Variants in ARHGAP15 observed in about 807,000 individuals in gnomAD.
ARHGAP15 encodes the protein rho GTPase-activating protein 15.
A neutral mutation model predicts 63.7 loss-of-function variants in ARHGAP15; 51 were observed. That is an observed-to-expected ratio of 0.80 (90% CI 0.64 to 1.01). The LOEUF (loss-of-function observed/expected upper bound fraction) is 1.01. Among genes scored for constraint, ARHGAP15 ranks in the 50% least tolerant of loss-of-function variants. The pLI, the probability that ARHGAP15 is intolerant of heterozygous loss-of-function variation, is 0.00. For synonymous variants in ARHGAP15, 191 were observed against 193.8 expected, an observed-to-expected ratio of 0.99 and a Z score of 0.12; for missense variants, 560 against 564.6, an observed-to-expected ratio of 0.99 and a Z score of 0.08.
At chr2:143,747,003 C>CT (rs199782576) in intron 13 of ARHGAP15, among the ~76,000 whole-genome samples, 3 of 151,400 alleles carry the variant, frequency 2.0e-5, no homozygotes, top group South Asian at 2.1e-4. Context: ...CATCTTTTAA[C>CT]TTTTTTTTTG....
chr2:143,678,491 G>T (rs552526227), intron 12 of ARHGAP15, among the ~76,000 whole-genome samples: 1 of 152,286 alleles, frequency 6.6e-6, no homozygotes, highest in East Asian at 1.9e-4. Context: ...AACCAAGTTT[G>T]TTCCTTTCTT....
chr2:143,536,178 G>C (rs1293850234), intron 10 of ARHGAP15, among the ~76,000 whole-genome samples: 1 of 151,966 alleles, frequency 6.6e-6, no homozygotes, highest in Non-Finnish European at 1.5e-5. Flanking sequence ...TGTATCCTTT[G>C]ACCAACATTT....
intron 12 of ARHGAP15, among the ~76,000 whole-genome samples, chr2:143,685,897 A>G (rs1356997204): frequency 6.6e-6 from 1 of 152,180 alleles, no homozygotes; most frequent in Non-Finnish European, 1.5e-5. Context: ...CAAATGATAT[A>G]ATAAACAGTC....
intron 6 of ARHGAP15, among the ~76,000 whole-genome samples, chr2:143,358,821 A>G (rs1437877556): frequency 6.6e-6 from 1 of 151,950 alleles, no homozygotes; most frequent in Non-Finnish European, 1.5e-5. Context: ...TTCATCATCA[A>G]CACAGACATT....
intron 11 of ARHGAP15, among the ~76,000 whole-genome samples, chr2:143,561,656 C>T (rs1696033006): frequency 6.6e-6 from 1 of 151,798 alleles, no homozygotes; most frequent in South Asian, 2.1e-4. Context: ...GCTGGGATTA[C>T]AGGTGCCCGC....
At chr2:143,615,304 A>ATT (rs1698413536) in intron 11 of ARHGAP15, among the ~76,000 whole-genome samples, 1 of 152,250 alleles carries the variant, frequency 6.6e-6, no homozygotes, top group Middle Eastern at 3.4e-3. Context: ...TTTTATTTCA[A>ATT]TTTTTCTGAA....
intron 6 of ARHGAP15, among the ~76,000 whole-genome samples, chr2:143,318,697 C>G (rs544064754): frequency 6.6e-6 from 1 of 151,966 alleles, no homozygotes; most frequent in Non-Finnish European, 1.5e-5. Context: ...TAAAATCGAC[C>G]TGGTAGGATC....
chr2:143,712,792 C>T (rs1238245089), intron 13 of ARHGAP15, among the ~76,000 whole-genome samples: 3 of 121,550 alleles, frequency 2.5e-5, no homozygotes, highest in African/African-American at 9.4e-5. Flanking sequence ...CTTACCTTCA[C>T]CCTTCAGCTT....
intron 12 of ARHGAP15, among the ~76,000 whole-genome samples, chr2:143,652,124 A>G (rs1408889593): frequency 6.6e-6 from 1 of 151,998 alleles, no homozygotes; most frequent in Non-Finnish European, 1.5e-5. Flanking sequence ...ATTTTGATAT[A>G]AGTTTGAGAG....
chr2:143,177,297 G>A (rs185782282), intron 2 of ARHGAP15, among the ~76,000 whole-genome samples: 301 of 152,162 alleles, frequency 2.0e-3, no homozygotes, highest in South Asian at 8.9e-3. Flanking sequence ...GTACTCTGTC[G>A]TAGAATTAAA....
intron 6 of ARHGAP15, among the ~76,000 whole-genome samples, chr2:143,300,354 A>T (rs1190635600): frequency 6.6e-6 from 1 of 152,054 alleles, no homozygotes; most frequent in African/African-American, 2.4e-5. Context: ...TAATTTTTTC[A>T]TATATGAAAA....
chr2:143,445,564 G>GA, intron 8 of ARHGAP15, among the ~76,000 whole-genome samples: 1 of 151,838 alleles, frequency 6.6e-6, no homozygotes, highest in South Asian at 2.1e-4. Flanking sequence ...CCCTTCTCCA[G>GA]TTTTTTTTCA....
At chr2:143,236,813 C>T (rs1054041648) in intron 5 of ARHGAP15, 2 of 152,116 alleles carry the variant, frequency 1.3e-5, no homozygotes, top group African/African-American at 4.8e-5. Context: ...GATCTCTTGC[C>T]TTCTTCCATG....
chr2:143,419,310 C>T (rs999961133), intron 6 of ARHGAP15, among the ~76,000 whole-genome samples: 2 of 152,096 alleles, frequency 1.3e-5, no homozygotes, highest in Non-Finnish European at 2.9e-5. Flanking sequence ...CAACTTGGAA[C>T]AAACTTTCTA....
intron 9 of ARHGAP15, among the ~76,000 whole-genome samples, chr2:143,499,307 AC>A (rs1574536403): frequency 6.6e-6 from 1 of 152,170 alleles, no homozygotes; most frequent in East Asian, 1.9e-4. Flanking sequence ...ATTCAGAATA[AC>A]TACAGATGCC....
intron 2 of ARHGAP15, among the ~76,000 whole-genome samples, chr2:143,157,175 C>T (rs1465309238): frequency 6.6e-6 from 1 of 151,922 alleles, no homozygotes; most frequent in African/African-American, 2.4e-5. Context: ...TACCAATTAA[C>T]ACCTACTTTA....
intron 10 of ARHGAP15, among the ~76,000 whole-genome samples, chr2:143,549,121 C>G (rs180721352): frequency 2.9e-4 from 44 of 152,190 alleles, no homozygotes; most frequent in Non-Finnish European, 4.3e-4. Context: ...CCATTTATTT[C>G]CCATGTACCA....
intron 1 of ARHGAP15, among the ~76,000 whole-genome samples, chr2:143,151,151 A>G (rs1689798751): frequency 6.6e-6 from 1 of 152,006 alleles, no homozygotes; most frequent in African/African-American, 2.4e-5. Context: ...TGGAAGAACA[A>G]CCACTCCTAG....
intron 6 of ARHGAP15, among the ~76,000 whole-genome samples, chr2:143,419,818 A>T (rs1274285016): frequency 6.6e-6 from 1 of 152,108 alleles, no homozygotes; most frequent in Admixed American, 6.6e-5. Flanking sequence ...GTATGCATTT[A>T]TATTCAGAAA....
Sources: gnomAD v4.1 joint callset for allele counts (sites outside exome capture counted in the v4.1 genomes callset) on GRCh38, gnomAD v4.1.1 for gene constraint, MANE v1.5 for transcripts, NCBI Gene and HGNC (gene_info 2026-07-23, HGNC 2026-07-21) for gene names.